Variants in NLRP1 observed in about 807,000 individuals in gnomAD.
NLRP1 encodes the protein NLR family pyrin domain containing 1.
In NLRP1, 94 loss-of-function variants were observed where a neutral mutation model predicts 136.7. That is an observed-to-expected ratio of 0.69 (90% CI 0.58 to 0.82). The LOEUF (loss-of-function observed/expected upper bound fraction) is 0.82. Among genes scored for constraint, NLRP1 ranks in the 40% least tolerant of loss-of-function variants. NLRP1 has a pLI of 0.00. For missense variants in NLRP1, 1,575 were observed against 1,802.7 expected (o/e 0.87, Z 2.29); for synonymous variants, 690 against 725.1 (o/e 0.95, Z 0.78).
In NLRP1 at chr17:5,514,409, G is replaced by C; in HGVS notation, c.*345C>G. The C allele has an allele frequency of 8.8e-7, 1 of 1,130,790 alleles. No individual in the cohort carries two copies. Among genetic ancestry groups the C allele is most frequent in the South Asian group, 2.5e-5 (1 of 39,506 alleles). 70.0% of individuals were successfully genotyped at this position (1,130,790 alleles called of 1,614,324 possible). A position where few individuals can be genotyped will look rare whatever the true frequency, so the allele number is the denominator to read the frequency against. ...GGCTCACCCTGTGACACAGCCAGAG[G>C]CAAATGGTTCCATGTCCCTCCTATT... On this transcript the variant is annotated 3_prime_UTR_variant, in exon 17 of 17. Transcript: ENST00000572272.
chr17:5,533,798 G>T (rs1490061823), intron 9 of NLRP1, 99 bp downstream of exon 9: 2 of 812,420 alleles, frequency 2.5e-6, no homozygotes, highest in Non-Finnish European at 4.1e-6. Context: ...AACCTGCCCC[G>T]TCCCACATCA....
Position 5,545,671 on chromosome 17 carries a change from C to A in NLRP1, c.2529-3644G>T, listed in dbSNP as rs889152570. ...ACTGTCTTCCTTCTCTGCTTCCAAC[C>A]CTGAGCTGCAGAGTGTGGCCCAAGA... On this transcript the variant is annotated intron_variant, in intron 5 of 16. Coordinates refer to ENST00000572272, the MANE Select transcript of NLRP1 (RefSeq NM_033004.4). Among the ~76,000 whole-genome samples the A allele has an allele frequency of 7.2e-5, 11 of 152,316 alleles. No individual in the cohort carries two copies. The East Asian group carries it at 2.1e-3, about 29-fold the overall frequency.
intron 3 of NLRP1, among the ~76,000 whole-genome samples, chr17:5,567,805 T>C (rs1351224889): frequency 2.0e-5 from 3 of 152,166 alleles, no homozygotes; most frequent in Admixed American, 6.5e-5. Context: ...TTCTCCTTCA[T>C]GTTTGAAAGA....
At chr17:5,577,872 A>C (rs1426864851) in intron 3 of NLRP1, among the ~76,000 whole-genome samples, 1 of 152,258 alleles carries the variant, frequency 6.6e-6, no homozygotes, top group Non-Finnish European at 1.5e-5. Context: ...CTACAAGGCT[A>C]CAGTAACCAA....
chr17:5,572,958 C>G (rs1904573389), intron 3 of NLRP1, among the ~76,000 whole-genome samples: 1 of 152,128 alleles, frequency 6.6e-6, no homozygotes, highest in Non-Finnish European at 1.5e-5. Flanking sequence ...TGGGGCTTGT[C>G]AGACAGTGGG....
chr17:5,503,473 G>A (rs73341256), intron 15 of NLRP1: 42,648 of 152,026 alleles, frequency 0.28, 6,435 homozygotes, highest in African/African-American at 0.4. Context: ...GGCTAAATCC[G>A]GAGCTCAGAC....
intron 3 of NLRP1, among the ~76,000 whole-genome samples, chr17:5,580,765 T>A (rs951491419): frequency 1.3e-5 from 2 of 152,332 alleles, no homozygotes; most frequent in Admixed American, 1.3e-4. Context: ...TTGTTTGGAT[T>A]TTTTAATTCA....
chr17:5,527,296 T>G (rs1342855834), intron 12 of NLRP1, among the ~76,000 whole-genome samples: 1 of 152,202 alleles, frequency 6.6e-6, no homozygotes, highest in African/African-American at 2.4e-5. Flanking sequence ...TTAAGAAAGT[T>G]TACGAATTCA....
chr17:5,516,251 G>A (rs1908097720), intron 15 of NLRP1, among the ~76,000 whole-genome samples: 1 of 152,098 alleles, frequency 6.6e-6, no homozygotes, highest in African/African-American at 2.4e-5. Flanking sequence ...AGAAAGGAGG[G>A]TGTTTACATG....
At chr17:5,540,522 G>A (rs914418354) in intron 6 of NLRP1, among the ~76,000 whole-genome samples, 1 of 152,108 alleles carries the variant, frequency 6.6e-6, no homozygotes, top group Non-Finnish European at 1.5e-5. Context: ...CAGGGCCTTC[G>A]CTAAGAGAGG....
At chr17:5,571,116 A>G (rs896617290) in intron 3 of NLRP1, among the ~76,000 whole-genome samples, 2 of 152,190 alleles carry the variant, frequency 1.3e-5, no homozygotes, top group Non-Finnish European at 2.9e-5. Flanking sequence ...ACCTCAAAAT[A>G]ATAAGGGCCA....
At chr17:5,547,928 T>G (rs1912882938) in intron 5 of NLRP1, among the ~76,000 whole-genome samples, 1 of 152,228 alleles carries the variant, frequency 6.6e-6, no homozygotes, top group Non-Finnish European at 1.5e-5. Flanking sequence ...TCAATTTCCT[T>G]GGAATGTAGG....
intron 3 of NLRP1, among the ~76,000 whole-genome samples, chr17:5,567,747 G>T (rs1290922033): frequency 6.6e-6 from 1 of 152,066 alleles, no homozygotes; most frequent in Non-Finnish European, 1.5e-5. Flanking sequence ...TGTAGGATGG[G>T]TTTGGTATTG....
chr17:5,556,174 G>T (rs1276594283), intron 4 of NLRP1, among the ~76,000 whole-genome samples: 1 of 150,604 alleles, frequency 6.6e-6, no homozygotes, highest in East Asian at 2.0e-4. Flanking sequence ...GAAGGGCTGG[G>T]CATGGTGGCT....
rs999301593 is a variant in NLRP1, at chr17:5,537,530, T to C, written c.2871-590A>G. Among the ~76,000 whole-genome samples the C allele has an allele frequency of 2.6e-5, 4 of 152,112 alleles. No individual in the cohort carries two copies. Among genetic ancestry groups the C allele is most frequent in the Non-Finnish European group, 5.9e-5 (4 of 68,010 alleles). ...TGAGATGCTGATTGTCTTCTCTGGG[T>C]CTCTGTGTCCTCCATCTACCACGTA... On this transcript the variant is annotated intron_variant, in intron 7 of 16. Transcript: ENST00000572272. The surrounding 1 kb of genome is among the most constrained non-coding windows in gnomAD (Gnocchi z 4.5).
At chr17:5,522,692 C>A (rs1909047731) in intron 12 of NLRP1, among the ~76,000 whole-genome samples, 1 of 152,154 alleles carries the variant, frequency 6.6e-6, no homozygotes, top group Admixed American at 6.5e-5. Context: ...AAGTGGAGCT[C>A]AAGGATCACC....
rs776744609 is a variant in NLRP1 at position 5,559,967 on chromosome 17, C to T, written c.729G>A (p.Gln243=). 2.5e-6 allele frequency: 4 copies of T among 1,613,566 alleles called. No individual in the cohort carries two copies. Among genetic ancestry groups the T allele is most frequent in the Non-Finnish European group, 3.4e-6 (4 of 1,179,740 alleles). ...PWAAVVGTPP[Q]AHTSLQPHHH... is the part of the protein sequence containing the mutation. ...GGTGGGGCTGTAGGCTGGTGTGCGC[C>T]TGTGGGGGCGTTCCTACCACCGCTG... The change falls in exon 4 of 17, where the codon CAG becomes CAA. Residue 243 remains glutamine, a synonymous_variant. Transcript: ENST00000572272.
chr17:5,502,219 C>T, intron 15 of NLRP1: 2 of 244,456 alleles, frequency 8.2e-6, no homozygotes, highest in Non-Finnish European at 1.7e-5. Context: ...GCTAAAAGGG[C>T]TTCCAGTTGG....
intron 3 of NLRP1, among the ~76,000 whole-genome samples, chr17:5,573,310 G>C (rs981997921): frequency 1.3e-5 from 2 of 152,206 alleles, no homozygotes; most frequent in Admixed American, 6.5e-5. Flanking sequence ...GGTAAACAAA[G>C]CAGCTGGGAA....
Sources: allele counts gnomAD v4.1 joint callset (sites outside exome capture counted in the v4.1 genomes callset), GRCh38; gene constraint gnomAD v4.1.1; non-coding constraint Gnocchi (gnomAD v3.1); transcripts MANE v1.5; gene names NCBI Gene and HGNC (gene_info 2026-07-23, HGNC 2026-07-21).